The following BRSK2 variants were observed in gnomAD, a reference collection of about 807,000 sequenced individuals.
BRSK2 encodes the protein BR serine/threonine kinase 2.
Under a neutral mutation model 83.3 loss-of-function variants are expected in BRSK2, and 19 were observed. That is an observed-to-expected ratio of 0.23 (90% CI 0.16 to 0.33). The LOEUF is 0.33. Ranked by LOEUF, BRSK2 falls within the 10% of genes least tolerant of loss-of-function variation. The pLI, the probability that BRSK2 is intolerant of heterozygous loss-of-function variation, is 1.00. For synonymous variants in BRSK2, 519 were observed against 435.4 expected (o/e 1.19, Z -2.39); for missense variants, 798 against 1,042.3 (o/e 0.77, Z 3.23).
chr11:1,439,827 C>T (rs1009038276), intron 3 of BRSK2, among the ~76,000 whole-genome samples: 4 of 151,886 alleles, frequency 2.6e-5, no homozygotes, highest in Non-Finnish European at 5.9e-5. Context: ...CCCTCCCCTG[C>T]CCTGAGGGCT....
chr11:1,460,850 G>C lies in BRSK2; in HGVS notation c.*127G>C. 1 of 1,551,926 alleles carries C rather than the reference G, an allele frequency of 6.4e-7. No individual in the cohort carries two copies. The highest frequency in any genetic ancestry group is 8.7e-7 in the Non-Finnish European group (1 of 1,151,602). ...CCAGACTGTTCTCAGAGCCTGGGAG[G>C]AAAGGAAAGGGGCGTTGGGGCCGGC... On this transcript the variant is annotated 3_prime_UTR_variant, in exon 20 of 20. Transcript: ENST00000528841.
At chr11:1,448,459 G>A (rs999248567) in intron 12 of BRSK2, among the ~76,000 whole-genome samples, 11 of 152,226 alleles carry the variant, frequency 7.2e-5, no homozygotes, top group Non-Finnish European at 1.3e-4. Flanking sequence ...GGCTGGCGCC[G>A]TCTCTCCTGC....
intron 1 of BRSK2, among the ~76,000 whole-genome samples, chr11:1,393,448 T>TG (rs1223522855): frequency 6.6e-6 from 1 of 151,832 alleles, no homozygotes; most frequent in Non-Finnish European, 1.5e-5. Context: ...ATCCTCTGTC[T>TG]GGGGGGCGGG....
Position 1,444,974 on chromosome 11 carries a change from G to C in BRSK2, c.784G>C (p.Glu262Gln). 6.2e-7 allele frequency: 1 copy of C among 1,613,096 alleles called. No individual in the cohort carries two copies. The highest frequency in any genetic ancestry group is 8.5e-7 in the Non-Finnish European group (1 of 1,179,206). The change falls in exon 9 of 20, where the codon GAG becomes CAG. Residue 262 changes from glutamate (E) to glutamine (Q), a missense_variant. By Grantham distance (29) the Glu-to-Gln change is conservative. Around this residue, in one of 6 missense-constraint regions of BRSK2, gnomAD observed 145 missense variants for 225.4 expected, o/e 0.64. Transcript: ENST00000528841. ...EVDAARRLTL[E>Q]HIQKHIWYIG... ...CCCTGTTTCTCTTTCCTTGTAGCTA[G>C]AGCACATTCAGAAACACATATGGTA...
rs935611844 is a variant in BRSK2 at position 1,461,338 on chromosome 11, C to T, written c.*615C>T. 5.5e-6 allele frequency: 2 copies of T among 365,124 alleles called. No individual in the cohort carries two copies. Among genetic ancestry groups the T allele is most frequent in the South Asian group, 3.0e-5 (1 of 33,432 alleles). The allele number at this position is 365,124 out of a possible 1,614,324, so 22.6% of individuals were successfully genotyped here. ...TGGAGGCCTCCTCGCAGGCCCGTGCCCCGCCTCCCTGGCTGCGCCGCCTCC... is the reference window on the plus strand; with the variant it reads ...TGGAGGCCTCCTCGCAGGCCCGTGCTCCGCCTCCCTGGCTGCGCCGCCTCC... On this transcript the variant is annotated 3_prime_UTR_variant, in exon 20 of 20. Transcript: ENST00000528841.
chr11:1,445,124 C>A (rs1457685879), intron 9 of BRSK2, 122 bp downstream of exon 9: 1 of 1,496,044 alleles, frequency 6.7e-7, no homozygotes, highest in East Asian at 2.3e-5. Context: ...CTTGGCCCTC[C>A]GTGGCCTGCG....
At position 1,438,437 on chromosome 11, in the gene BRSK2, CT is replaced by C; in HGVS notation, c.272+47del. 1 of 1,572,444 alleles carries C rather than the reference CT, an allele frequency of 6.4e-7. No individual in the cohort carries two copies. The highest frequency in any genetic ancestry group is 8.7e-7 in the Non-Finnish European group (1 of 1,143,632). On this transcript the variant is annotated intron_variant, in intron 3 of 19. Transcript: ENST00000528841. The surrounding 1 kb of genome is among the most constrained non-coding windows in gnomAD (Gnocchi z 6.4). Reference sequence around the variant, plus strand: ...AGAGCTGGGGTGGCGGAGGTGGCAGCTGTCGCTGCAGGGGTGGGTGTCTGGG... The same window carrying C: ...AGAGCTGGGGTGGCGGAGGTGGCAGCGTCGCTGCAGGGGTGGGTGTCTGGG...
chr11:1,453,576 CTGAG>C (rs1033666003), intron 15 of BRSK2, among the ~76,000 whole-genome samples: 9 of 152,316 alleles, frequency 5.9e-5, no homozygotes, highest in East Asian at 1.9e-4. Context: ...CGTCGAGGGG[CTGAG>C]TGAGGGTTGG....
In BRSK2 at chr11:1,460,626, C is replaced by G; in HGVS notation, c.2114C>G (p.Ala705Gly). Residue 705 changes from alanine (A) to glycine (G), a missense_variant, in exon 20 of 20, where the codon GCG becomes GGG. By Grantham distance (60) the Ala-to-Gly change is moderately conservative. This residue lies in a region of BRSK2 where 455 missense variants were observed against 455.2 expected (regional missense o/e 1.00). Coordinates refer to ENST00000528841, the MANE Select transcript of BRSK2 (RefSeq NM_001256627.2). Reference sequence around the variant, plus strand: ...GCCCACGGCCCACTCGGTGACTCCGCGGCCGCTGGCCCTGGCCCCGGAGGG... The same window carrying G: ...GCCCACGGCCCACTCGGTGACTCCGGGGCCGCTGGCCCTGGCCCCGGAGGG... Reference protein sequence around the residue: ...RSAHGPLGDSAAAGPGPGGDA... With the variant: ...RSAHGPLGDSGAAGPGPGGDA... 6.5e-7 allele frequency: 1 copy of G among 1,530,694 alleles called. No homozygotes were observed. Among genetic ancestry groups the G allele is most frequent in the Non-Finnish European group, 8.7e-7 (1 of 1,143,710 alleles). 94.8% of individuals were successfully genotyped at this position (1,530,694 alleles called of 1,614,324 possible). A position where few individuals can be genotyped will look rare whatever the true frequency, so the allele number is the denominator to read the frequency against.
At chr11:1,420,018 G>T (rs573081372) in intron 1 of BRSK2, among the ~76,000 whole-genome samples, 1 of 152,234 alleles carries the variant, frequency 6.6e-6, no homozygotes, top group Non-Finnish European at 1.5e-5. Context: ...GCACGTGGTC[G>T]TTCGTCTCCA....
At chr11:1,408,811 TGGTGTGTG>T (rs1847108200) in intron 1 of BRSK2, among the ~76,000 whole-genome samples, 1 of 107,790 alleles carries the variant, frequency 9.3e-6, no homozygotes, top group Non-Finnish European at 2.2e-5. Flanking sequence ...TTGCCTGTGC[TGGTGTGTG>T]TGTGTGTGTG....
At chr11:1,417,033 C>T (rs780459185) in intron 1 of BRSK2, among the ~76,000 whole-genome samples, 364 of 152,198 alleles carry the variant, frequency 2.4e-3, no homozygotes, top group Non-Finnish European at 4.1e-3. Context: ...GTGGCAGGCA[C>T]CTGTAATCCC....
chr11:1,437,456 C>A (rs1234618861), intron 2 of BRSK2, among the ~76,000 whole-genome samples: 1 of 152,230 alleles, frequency 6.6e-6, no homozygotes, highest in Non-Finnish European at 1.5e-5. Context: ...CGTGGCCAGG[C>A]TTGCATGTCT....
intron 1 of BRSK2, among the ~76,000 whole-genome samples, chr11:1,400,494 C>G (rs1009387577): frequency 1.2e-4 from 19 of 152,246 alleles, no homozygotes; most frequent in Admixed American, 1.0e-3. Flanking sequence ...AATCCCTGAC[C>G]CTGTATAGCG....
At chr11:1,442,966 CTGGGGATGCAGGGAA>C in intron 5 of BRSK2, 125 bp from the exon 6 acceptor site, 1 of 1,029,052 alleles carries the variant, frequency 9.7e-7, no homozygotes, top group Middle Eastern at 2.8e-4. Context: ...AAAAGCCCGC[CTGGGGATGCAGGGAA>C]TGTGGGGGCG....
intron 16 of BRSK2, among the ~76,000 whole-genome samples, chr11:1,455,355 G>A (rs1407661799): frequency 7.4e-6 from 1 of 135,892 alleles, no homozygotes; most frequent in Non-Finnish European, 1.6e-5. Flanking sequence ...CAGGGCTGCT[G>A]TCCTGCCCTG....
chr11:1,391,514 A>C (rs964521134), intron 1 of BRSK2, among the ~76,000 whole-genome samples: 2 of 152,156 alleles, frequency 1.3e-5, no homozygotes, highest in Non-Finnish European at 2.9e-5. Context: ...GCAGAGCTGC[A>C]GGAAGGGGTT....
chr11:1,393,726 G>A (rs1485526292), intron 1 of BRSK2, among the ~76,000 whole-genome samples: 5 of 152,312 alleles, frequency 3.3e-5, no homozygotes, highest in South Asian at 2.1e-4. Context: ...CTGTGCCTGG[G>A]AGACCCTGGG....
intron 15 of BRSK2, among the ~76,000 whole-genome samples, chr11:1,452,058 CAT>C (rs1216216191): frequency 1.3e-5 from 2 of 152,312 alleles, no homozygotes; most frequent in South Asian, 2.1e-4. Context: ...GCGGTGTACA[CAT>C]ATGAGCCTGC....
Sources: allele counts gnomAD v4.1 joint callset (sites outside exome capture counted in the v4.1 genomes callset), GRCh38; gene constraint gnomAD v4.1.1; regional missense constraint gnomAD v4.1.1; non-coding constraint Gnocchi (gnomAD v3.1); transcripts MANE v1.5; gene names NCBI Gene and HGNC (gene_info 2026-07-23, HGNC 2026-07-21).